KLHL13: variants seen among roughly 807,000 people sequenced by gnomAD.
KLHL13 encodes kelch like family member 13, also known as kelch-like protein 13.
Under a neutral mutation model 37.1 loss-of-function variants are expected in KLHL13, and 10 were observed. The ratio of observed to expected loss-of-function variants is 0.27; its 90% CI spans 0.17 to 0.46. KLHL13 has a LOEUF of 0.46. Ranked by LOEUF, KLHL13 falls within the 20% of genes least tolerant of loss-of-function variation. The pLI is 1.00. For synonymous variants in KLHL13, 163 were observed against 181.2 expected, an observed-to-expected ratio of 0.90 and a Z score of 0.81; for missense variants, 360 against 509.3, an observed-to-expected ratio of 0.71 and a Z score of 2.82.
chrX:118,068,521 T>C (rs1451843319), intron 1 of KLHL13, among the ~76,000 whole-genome samples: 3 of 110,504 alleles, frequency 2.7e-5, no homozygotes, highest in African/African-American at 9.9e-5. Flanking sequence ...CTCTCTATGG[T>C]GCAAAGGTAG....
intron 1 of KLHL13, among the ~76,000 whole-genome samples, chrX:118,057,559 G>A (rs942312939): frequency 8.9e-6 from 1 of 112,207 alleles, no homozygotes; most frequent in African/African-American, 3.2e-5. Context: ...CGTGGCTCAT[G>A]CTTGTACTCC....
intron 1 of KLHL13, among the ~76,000 whole-genome samples, chrX:118,006,378 A>G (rs1381237931): frequency 9.0e-6 from 1 of 111,469 alleles, no homozygotes; most frequent in Non-Finnish European, 1.9e-5. Flanking sequence ...GTGCCAAAAA[A>G]AAAAAGAAAA....
chrX:118,046,850 C>T (rs1227551464), intron 1 of KLHL13, among the ~76,000 whole-genome samples: 1 of 111,982 alleles, frequency 8.9e-6, no homozygotes, highest in Non-Finnish European at 1.9e-5. Flanking sequence ...AGTAGTTCAA[C>T]AGCATTCAAC....
intron 5 of KLHL13, among the ~76,000 whole-genome samples, chrX:117,906,634 C>T (rs1930559654): frequency 9.0e-6 from 1 of 111,136 alleles, no homozygotes; most frequent in Non-Finnish European, 1.9e-5. Context: ...TTTGAATGCA[C>T]TTACTAAGTC....
chrX:118,077,233 C>G (rs73597449), intron 1 of KLHL13, among the ~76,000 whole-genome samples: 1 of 111,241 alleles, frequency 9.0e-6, no homozygotes, highest in Non-Finnish European at 1.9e-5. Flanking sequence ...TGGAAGCAAT[C>G]AAACATCTAT....
At chrX:118,074,226 T>G (rs929633038) in intron 1 of KLHL13, among the ~76,000 whole-genome samples, 45 of 111,936 alleles carry the variant, frequency 4.0e-4, no homozygotes, top group Middle Eastern at 9.3e-3. Context: ...AAGGGTTTGT[T>G]TGTGAAGTAA....
exon 1 of KLHL13, chrX:117,972,753 T>C (rs771432336): frequency 9.9e-6 from 12 of 1,208,513 alleles, no homozygotes; most frequent in Non-Finnish European, 1.1e-5. Flanking sequence ...GAAAGTGGAG[T>C]TGACCTGGAT....
At chrX:118,028,948 T>A (rs758432771) in intron 1 of KLHL13, among the ~76,000 whole-genome samples, 12 of 111,940 alleles carry the variant, frequency 1.1e-4, no homozygotes, top group Non-Finnish European at 1.9e-4. Flanking sequence ...GGGATGTAAA[T>A]CATCCTTTTG....
rs190516151 is a variant in KLHL13 at position 118,033,090 on chromosome X, G to C, written c.-56+83418C>G. 1.6e-3 allele frequency among the ~76,000 whole-genome samples: 177 copies of C among 111,441 alleles called. 2 individuals are homozygous for C. Among genetic ancestry groups the C allele is most frequent in the African/African-American group, 5.6e-3 (171 of 30,643 alleles). On this transcript the variant is annotated intron_variant, in intron 1 of 6. Transcript: ENST00000371882. ...AAGCCTCCAAGAAATGTAGGACTAT[G>C]TGAAAAGACCAAATCTGCGTCTGAC...
chrX:117,910,389 C>G (rs1470477138), intron 4 of KLHL13, among the ~76,000 whole-genome samples: 1 of 109,772 alleles, frequency 9.1e-6, no homozygotes, highest in Non-Finnish European at 1.9e-5. Context: ...TTACTCTTCT[C>G]TCCTCAAAAA....
At chrX:117,929,778 CAAAAAAAAAAAAA>C (rs761687127) in intron 2 of KLHL13, among the ~76,000 whole-genome samples, 26 of 25,029 alleles carry the variant, frequency 1.0e-3, no homozygotes, top group East Asian at 7.2e-3. Flanking sequence ...ATCGTCTCTA[CAAAAAAAAAAAAA>C]AAAAAAAAAA....
At chrX:118,032,014 G>A (rs752438306) in intron 1 of KLHL13, among the ~76,000 whole-genome samples, 3 of 111,260 alleles carry the variant, frequency 2.7e-5, no homozygotes, top group East Asian at 2.9e-4. Flanking sequence ...ACTCCCACCC[G>A]AATACTGCGC....
chrX:117,899,494 A>G, intron 6 of KLHL13, 99 bp from the exon 8 acceptor site: 1 of 664,371 alleles, frequency 1.5e-6, no homozygotes, highest in Non-Finnish European at 2.3e-6. Flanking sequence ...ACATATTATG[A>G]CATATACCTT....
intron 1 of KLHL13, among the ~76,000 whole-genome samples, chrX:118,053,831 G>C (rs2054649913): frequency 2.4e-5 from 1 of 41,434 alleles, no homozygotes; most frequent in African/African-American, 1.1e-4. Context: ...AGAGGAGAGA[G>C]AGAGAGAGAG....
chrX:117,954,779 G>A (rs944959416), intron 1 of KLHL13, among the ~76,000 whole-genome samples: 5 of 112,099 alleles, frequency 4.5e-5, no homozygotes, highest in African/African-American at 1.6e-4. Context: ...GTGAAGCATA[G>A]GCCCTCTAGA....
At chrX:118,053,408 A>C (rs1045125538) in intron 1 of KLHL13, among the ~76,000 whole-genome samples, 5 of 111,289 alleles carry the variant, frequency 4.5e-5, no homozygotes, top group African/African-American at 1.3e-4. Context: ...CCAAACACCG[A>C]ATGTTCTCAC....
chrX:118,084,834 C>G (rs891368017), intron 1 of KLHL13, among the ~76,000 whole-genome samples: 2 of 110,628 alleles, frequency 1.8e-5, no homozygotes, highest in Non-Finnish European at 3.8e-5. Context: ...TGAGACCAGC[C>G]TGGCCAATAT....
rs964622600 is a variant in KLHL13 at position 118,019,380 on chromosome X, T to C, written c.-55-73805A>G. 1.8e-4 allele frequency among the ~76,000 whole-genome samples: 20 copies of C among 110,848 alleles called. No homozygotes were observed. The Admixed American group carries it at 1.9e-3, about 11-fold the overall frequency. Reference sequence around the variant, plus strand: ...TAAATTTGTTTGAGCTCATTGTAGATTCTGGATATTAGCCCTTTGTCAGAT... The same window carrying C: ...TAAATTTGTTTGAGCTCATTGTAGACTCTGGATATTAGCCCTTTGTCAGAT... On this transcript the variant is annotated intron_variant, in intron 1 of 6. Transcript: ENST00000371882.
chrX:118,002,584 A>T (rs1486895955), intron 1 of KLHL13, among the ~76,000 whole-genome samples: 1 of 102,946 alleles, frequency 9.7e-6, no homozygotes, highest in Admixed American at 1.1e-4. Flanking sequence ...CAAGAGTGAA[A>T]CTCTGTCTCG....
Sources: gnomAD v4.1 joint callset for allele counts (sites outside exome capture counted in the v4.1 genomes callset) on GRCh38, gnomAD v4.1.1 for gene constraint, MANE v1.5 for transcripts, NCBI Gene and HGNC (gene_info 2026-07-23, HGNC 2026-07-21) for gene names.